CCNY: variants seen among roughly 807,000 people sequenced by gnomAD.
CCNY encodes the protein cyclin Y.
A neutral mutation model predicts 42.8 loss-of-function variants in CCNY; 19 were observed. The observed-to-expected ratio is 0.44, with a 90% CI of 0.31 to 0.65. The LOEUF is 0.65. CCNY is among the 30% of genes least tolerant of loss of function. The pLI, the probability that CCNY is intolerant of heterozygous loss-of-function variation, is 0.07. For synonymous variants in CCNY, 165 were observed against 162.7 expected, an observed-to-expected ratio of 1.01 and a Z score of -0.11; for missense variants, 370 against 437.3, an observed-to-expected ratio of 0.85 and a Z score of 1.37.
At chr10:35,310,122 A>G (rs894203834) in intron 3 of CCNY, among the ~76,000 whole-genome samples, 3 of 152,106 alleles carry the variant, frequency 2.0e-5, no homozygotes, top group African/African-American at 7.2e-5. Flanking sequence ...TCTTTTCTCT[A>G]ACTCCATGAG....
chr10:35,498,248 C>G (rs1840040983), intron 2 of CCNY, among the ~76,000 whole-genome samples: 1 of 152,144 alleles, frequency 6.6e-6, no homozygotes, highest in Non-Finnish European at 1.5e-5. Flanking sequence ...CTGTTAAGTA[C>G]CAAAGTTCCA....
At chr10:35,304,294 A>ATTTTTTTTT (rs879681124) in intron 3 of CCNY, among the ~76,000 whole-genome samples, 1 of 110,890 alleles carries the variant, frequency 9.0e-6, no homozygotes, top group Non-Finnish European at 1.8e-5. Flanking sequence ...TTCTCCTTTT[A>ATTTTTTTTT]TTTTTTTTTT....
rs186229654 is a variant in CCNY at position 35,405,594 on chromosome 10, C to T, written c.154+68387C>T. Among the ~76,000 whole-genome samples the T allele has an allele frequency of 3.7e-4, 57 of 152,138 alleles. 1 individual carries two copies. In the East Asian group the frequency reaches 9.7e-3, roughly 26 times the overall value. ...GTTTTAAGGGGTTTAGAAGCCTGGC[C>T]GTCAATACCCACAACAGTTATGGAG... On this transcript the variant is annotated intron_variant, in intron 1 of 9. Coordinates refer to ENST00000374704, the MANE Select transcript of CCNY (RefSeq NM_145012.6).
chr10:35,529,642 C>T (rs1026855794), intron 5 of CCNY, among the ~76,000 whole-genome samples: 6 of 151,858 alleles, frequency 4.0e-5, no homozygotes, highest in African/African-American at 7.3e-5. Context: ...GCAGGTGGAT[C>T]TCCTGAGGTC....
At chr10:35,410,498 A>T (rs1167335895) in intron 1 of CCNY, among the ~76,000 whole-genome samples, 1 of 152,222 alleles carries the variant, frequency 6.6e-6, no homozygotes, top group African/African-American at 2.4e-5. Context: ...TGGGAAAAAA[A>T]TGTCACAAAG....
chr10:35,409,969 C>G (rs1400685295), intron 1 of CCNY, among the ~76,000 whole-genome samples: 2 of 152,166 alleles, frequency 1.3e-5, no homozygotes, highest in Non-Finnish European at 2.9e-5. Flanking sequence ...TCTTGAACTT[C>G]TGGGCTCCAG....
At chr10:35,471,187 C>T (rs1271629880) in intron 1 of CCNY, among the ~76,000 whole-genome samples, 2 of 151,724 alleles carry the variant, frequency 1.3e-5, no homozygotes, top group Non-Finnish European at 2.9e-5. Flanking sequence ...GACAGCCCAT[C>T]TTGTGGAGAT....
intron 3 of CCNY, among the ~76,000 whole-genome samples, chr10:35,516,217 A>ATG (rs969952676): frequency 2.9e-4 from 44 of 152,324 alleles, no homozygotes; most frequent in African/African-American, 1.0e-3. Context: ...CATACAAGCC[A>ATG]TGGGGCAGGT....
chr10:35,289,777 G>A (rs1435620937), intron 3 of CCNY, among the ~76,000 whole-genome samples: 1 of 151,608 alleles, frequency 6.6e-6, no homozygotes, highest in Admixed American at 6.6e-5. Context: ...GGGGATCTGA[G>A]GCAGGAGAAT....
chr10:35,377,773 AC>A (rs1165146231), intron 1 of CCNY, among the ~76,000 whole-genome samples: 1 of 152,220 alleles, frequency 6.6e-6, no homozygotes, highest in Non-Finnish European at 1.5e-5. Context: ...ATGTTAACAT[AC>A]ATTTTTATTT....
At chr10:35,523,211 C>A (rs548776568) in intron 4 of CCNY, among the ~76,000 whole-genome samples, 2 of 152,282 alleles carry the variant, frequency 1.3e-5, no homozygotes, top group Admixed American at 1.3e-4. Flanking sequence ...ACAAAAGACA[C>A]AGCTGCAAGC....
At chr10:35,414,446 CAG>C (rs952871476) in intron 1 of CCNY, among the ~76,000 whole-genome samples, 2 of 152,198 alleles carry the variant, frequency 1.3e-5, no homozygotes, top group African/African-American at 4.8e-5. Flanking sequence ...CAAAGCCAGC[CAG>C]AGAGAGACAA....
At chr10:35,532,541 T>C (rs1027160853) in intron 7 of CCNY, among the ~76,000 whole-genome samples, 4 of 152,266 alleles carry the variant, frequency 2.6e-5, no homozygotes, top group Admixed American at 2.0e-4. Flanking sequence ...ATAACTTAGA[T>C]CACTAAGTGT....
intron 1 of CCNY, among the ~76,000 whole-genome samples, chr10:35,465,227 T>TC (rs1225966619): frequency 6.6e-6 from 1 of 152,134 alleles, no homozygotes; most frequent in Non-Finnish European, 1.5e-5. Flanking sequence ...GTAGGGCGAG[T>TC]ACTGTTCGTG....
rs184349589 is a variant in CCNY at position 35,291,661 on chromosome 10, C to T, written c.-9+41035C>T. On this transcript the variant is annotated intron_variant, in intron 3 of 11. Transcript: ENST00000374706. Reference sequence around the variant, plus strand: ...AAGCTGTTCTCCTGCCTCAGCCTCCCGAGTAGCTGGCATTACAGGCACGCA... The same window carrying T: ...AAGCTGTTCTCCTGCCTCAGCCTCCTGAGTAGCTGGCATTACAGGCACGCA... 1.0e-3 allele frequency among the ~76,000 whole-genome samples: 151 copies of T among 151,694 alleles called. 1 individual carries two copies. The highest frequency in any genetic ancestry group is 3.5e-3 in the African/African-American group (143 of 41,372).
chr10:35,477,236 GA>G (rs1209811375), intron 1 of CCNY, among the ~76,000 whole-genome samples: 45 of 152,110 alleles, frequency 3.0e-4, no homozygotes, highest in Non-Finnish European at 8.8e-5. Context: ...CTTTCCTTCT[GA>G]AACGATTCCA....
At chr10:35,425,876 C>T (rs1408008876) in intron 1 of CCNY, among the ~76,000 whole-genome samples, 1 of 152,126 alleles carries the variant, frequency 6.6e-6, no homozygotes, top group East Asian at 1.9e-4. Context: ...AGTGACTCAT[C>T]CAGTGCCCTT....
intron 1 of CCNY, among the ~76,000 whole-genome samples, chr10:35,344,945 C>T (rs1046912427): frequency 2.0e-5 from 3 of 152,268 alleles, no homozygotes; most frequent in Admixed American, 1.3e-4. Context: ...CTGGTGTATA[C>T]GTGCCACATC....
In CCNY at chr10:35,349,773, C is replaced by G. The variant is rs140504046; in HGVS notation, c.154+12566C>G. Among the ~76,000 whole-genome samples the G allele has an allele frequency of 8.5e-3, 1,289 of 152,318 alleles. 18 individuals carry two copies. The highest frequency in any genetic ancestry group is 0.011 in the Non-Finnish European group (763 of 68,026). ...CCAGATGCCATGCCAGCTGCAGCAA[C>G]AGCACCCTCCATAACAACAACAAAA... On this transcript the variant is annotated intron_variant, in intron 1 of 9. Transcript: ENST00000374704.
Sources: gnomAD v4.1 joint callset for allele counts (sites outside exome capture counted in the v4.1 genomes callset) on GRCh38, gnomAD v4.1.1 for gene constraint, MANE v1.5 for transcripts, NCBI Gene and HGNC (gene_info 2026-07-23, HGNC 2026-07-21) for gene names.